ZMIZ1: variants seen among roughly 807,000 people sequenced by gnomAD.
ZMIZ1 encodes the protein zinc finger MIZ domain-containing protein 1.
ZMIZ1 carries 17 observed loss-of-function variants against 113.9 expected under a neutral mutation model. The observed-to-expected ratio is 0.15, with a 90% CI of 0.10 to 0.22. The LOEUF (loss-of-function observed/expected upper bound fraction) is 0.22, where lower values mean the gene tolerates loss of function less well. Ranked by LOEUF, ZMIZ1 falls within the 10% of genes least tolerant of loss-of-function variation. The pLI, the probability that ZMIZ1 is intolerant of heterozygous loss-of-function variation, is 1.00. For synonymous variants in ZMIZ1, 607 were observed against 603.1 expected, an observed-to-expected ratio of 1.01 and a Z score of -0.09; for missense variants, 1,059 against 1,477.8, an observed-to-expected ratio of 0.72 and a Z score of 4.65.
chr10:79,261,404 G>C (rs750991692), intron 7 of ZMIZ1, among the ~76,000 whole-genome samples: 1 of 152,196 alleles, frequency 6.6e-6, no homozygotes. Context: ...GGCGCTGGAG[G>C]GGGAGGAGGG....
intron 7 of ZMIZ1, among the ~76,000 whole-genome samples, chr10:79,242,700 C>T (rs962932766): frequency 2.0e-5 from 3 of 152,012 alleles, no homozygotes; most frequent in African/African-American, 7.2e-5. Flanking sequence ...CAGCGCCTTC[C>T]CGGCGGCCTC....
chr10:79,132,173 G>A (rs77394882), intron 2 of ZMIZ1, among the ~76,000 whole-genome samples: 2,060 of 152,274 alleles, frequency 0.014, 44 homozygotes, highest in African/African-American at 0.043. Flanking sequence ...TAATGACCCC[G>A]GGGCTTGGGT....
chr10:79,094,954 GAAA>G (rs763911221), intron 1 of ZMIZ1, among the ~76,000 whole-genome samples: 25 of 139,646 alleles, frequency 1.8e-4, no homozygotes, highest in Non-Finnish European at 3.0e-4. Context: ...GCCCCTCCTG[GAAA>G]AAAAAAAAAA....
intron 7 of ZMIZ1, among the ~76,000 whole-genome samples, chr10:79,267,374 G>A (rs897363987): frequency 6.6e-6 from 1 of 152,226 alleles, no homozygotes; most frequent in East Asian, 1.9e-4. Flanking sequence ...TACTTAGGTG[G>A]AGAAATGGAG....
intron 3 of ZMIZ1, among the ~76,000 whole-genome samples, chr10:79,159,382 C>T (rs536546228): frequency 4.6e-5 from 7 of 152,324 alleles, no homozygotes; most frequent in Admixed American, 2.6e-4. Flanking sequence ...GTTCCTGAGC[C>T]CCCCTTTCGC....
chr10:79,188,493 A>G (rs1468342300), intron 4 of ZMIZ1, among the ~76,000 whole-genome samples: 2 of 152,322 alleles, frequency 1.3e-5, no homozygotes, highest in East Asian at 3.9e-4. Flanking sequence ...ATGAAGCTGG[A>G]CATGATACTG....
rs536136350 is a variant in ZMIZ1, at chr10:79,137,829, G to A, written c.-226-1853G>A. Among the ~76,000 whole-genome samples the A allele has an allele frequency of 2.7e-5, 4 of 150,008 alleles. No homozygotes were observed. In the East Asian group the frequency reaches 5.8e-4, roughly 22 times the overall value. On this transcript the variant is annotated intron_variant, in intron 2 of 24. Coordinates refer to ENST00000334512, the MANE Select transcript of ZMIZ1 (RefSeq NM_020338.4). ...TCTGAGAGGACGGGCCCTCGGCTGG[G>A]GGGGGGGTGCTCCTAGGGTGGGCGC...
intron 1 of ZMIZ1, among the ~76,000 whole-genome samples, chr10:79,114,477 C>CTG (rs1215426437): frequency 9.4e-4 from 61 of 64,892 alleles, no homozygotes; most frequent in African/African-American, 1.4e-3. Flanking sequence ...GTGTGTGTGT[C>CTG]TGTGTGTGTG....
chr10:79,298,910 A>T, intron 15 of ZMIZ1, 140 bp from the exon 16 acceptor site: 1 of 1,143,060 alleles, frequency 8.7e-7, no homozygotes, highest in Admixed American at 2.9e-5. Flanking sequence ...GTGCCCTTGG[A>T]CTGGCTATGT....
At chr10:79,286,411 C>G (rs1342922237) in intron 8 of ZMIZ1, among the ~76,000 whole-genome samples, 1 of 152,224 alleles carries the variant, frequency 6.6e-6, no homozygotes, top group African/African-American at 2.4e-5. Context: ...AGCAGGAGCC[C>G]GTCTCCCCCA....
intron 6 of ZMIZ1, among the ~76,000 whole-genome samples, chr10:79,210,694 T>C (rs576710366): frequency 4.7e-4 from 71 of 151,948 alleles, no homozygotes; most frequent in African/African-American, 1.5e-3. Context: ...AGGAAGGAGG[T>C]GTAAAGCAGC....
At chr10:79,292,650 A>G (rs1853572706) in intron 11 of ZMIZ1, 6 of 505,774 alleles carry the variant, frequency 1.2e-5, no homozygotes, top group Admixed American at 5.4e-5. Flanking sequence ...AAGGTTCTAC[A>G]TGGCTCTCTG....
chr10:79,180,614 G>A (rs1237407821), intron 4 of ZMIZ1, among the ~76,000 whole-genome samples: 2 of 152,166 alleles, frequency 1.3e-5, no homozygotes, highest in Non-Finnish European at 2.9e-5. Flanking sequence ...CAGAGGCGTG[G>A]GAGCCTGAGC....
At chr10:79,078,492 G>T (rs1182126063) in intron 1 of ZMIZ1, among the ~76,000 whole-genome samples, 2 of 149,998 alleles carry the variant, frequency 1.3e-5, no homozygotes, top group African/African-American at 4.9e-5. Context: ...AAACCTATTT[G>T]CCTGGAGGAG....
chr10:79,243,675 C>G, intron 7 of ZMIZ1: 1 of 304,132 alleles, frequency 3.3e-6, no homozygotes, highest in Non-Finnish European at 6.5e-6. Context: ...GCCGCGGCCG[C>G]CGCCGGCCGG....
chr10:79,286,900 C>G (rs906546396), intron 8 of ZMIZ1, among the ~76,000 whole-genome samples: 1 of 152,222 alleles, frequency 6.6e-6, no homozygotes, highest in Admixed American at 6.5e-5. Context: ...TGAGCCTGGC[C>G]AGGCATGTTC....
intron 1 of ZMIZ1, among the ~76,000 whole-genome samples, chr10:79,098,502 C>T (rs141042645): frequency 1.3e-5 from 2 of 152,294 alleles, no homozygotes; most frequent in Admixed American, 6.5e-5. Context: ...AGGACTCTAG[C>T]GAGCATAAAT....
chr10:79,305,289 G>A (rs1476271768), intron 20 of ZMIZ1, 58 bp downstream of exon 20: 3 of 1,578,160 alleles, frequency 1.9e-6, no homozygotes, highest in Admixed American at 3.3e-5. Context: ...AGACGGGAGG[G>A]GCCAGCTACC....
intron 9 of ZMIZ1, chr10:79,290,661 C>T (rs1248245223): frequency 3.3e-6 from 2 of 601,018 alleles, no homozygotes; most frequent in African/African-American, 3.6e-5. Flanking sequence ...CCTCTTCTCC[C>T]TTCACTGGGC....
Sources: gnomAD v4.1 joint callset for allele counts (sites outside exome capture counted in the v4.1 genomes callset) on GRCh38, gnomAD v4.1.1 for gene constraint, MANE v1.5 for transcripts, NCBI Gene and HGNC (gene_info 2026-07-23, HGNC 2026-07-21) for gene names.